Variants in NINJ2 observed in about 807,000 individuals in gnomAD.
NINJ2 encodes the protein ninjurin-2.
Under a neutral mutation model 11.7 loss-of-function variants are expected in NINJ2, and 12 were observed. The ratio of observed to expected loss-of-function variants is 1.02; its 90% CI spans 0.66 to 1.66. NINJ2 has a LOEUF of 1.66. Ranked by LOEUF, NINJ2 falls within the 40% of genes most tolerant of loss-of-function variation. NINJ2 has a pLI of 0.00. For synonymous variants in NINJ2, 93 were observed against 76.8 expected (o/e 1.21, Z -1.10); for missense variants, 187 against 181.8 (o/e 1.03, Z -0.16).
chr12:634,876 G>A (rs548228871), intron 1 of NINJ2, among the ~76,000 whole-genome samples: 1 of 152,188 alleles, frequency 6.6e-6, no homozygotes, highest in East Asian at 1.9e-4. Flanking sequence ...TTGAGGGAAT[G>A]GTATAAGTAC....
chr12:648,703 G>T (rs1388749902), intron 1 of NINJ2, among the ~76,000 whole-genome samples: 2 of 152,140 alleles, frequency 1.3e-5, no homozygotes, highest in Non-Finnish European at 2.9e-5. Flanking sequence ...GACCTGGAAG[G>T]CCTATTAGTC....
intron 1 of NINJ2, among the ~76,000 whole-genome samples, chr12:637,352 A>T (rs1342861831): frequency 7.0e-6 from 1 of 142,682 alleles, no homozygotes; most frequent in Non-Finnish European, 1.5e-5. Context: ...TCATCTCAAA[A>T]AAAAGAAGGC....
chr12:607,025 T>C (rs1396655977), intron 1 of NINJ2, among the ~76,000 whole-genome samples: 7 of 152,226 alleles, frequency 4.6e-5, no homozygotes, highest in Non-Finnish European at 8.8e-5. Flanking sequence ...TTTGGCTTTG[T>C]GAGACACCAG....
At chr12:626,879 A>C (rs1157320838) in intron 1 of NINJ2, among the ~76,000 whole-genome samples, 3 of 152,152 alleles carry the variant, frequency 2.0e-5, no homozygotes, top group Non-Finnish European at 2.9e-5. Context: ...TGAGCCCAGG[A>C]GTTCAAGACC....
chr12:616,342 C>T (rs1948091144), intron 1 of NINJ2, among the ~76,000 whole-genome samples: 1 of 152,196 alleles, frequency 6.6e-6, no homozygotes, highest in Admixed American at 6.5e-5. Context: ...ACTAATCCCA[C>T]CATGGTTTAT....
chr12:647,734 G>A (rs1351716025), intron 1 of NINJ2, among the ~76,000 whole-genome samples: 1 of 152,154 alleles, frequency 6.6e-6, no homozygotes, highest in Non-Finnish European at 1.5e-5. Flanking sequence ...GGATCACCAG[G>A]GGACTTGTGA....
At position 580,186 on chromosome 12, in the gene NINJ2, G is replaced by A. The variant is rs150726130; in HGVS notation, c.34-14008C>T. Among the ~76,000 whole-genome samples the A allele has an allele frequency of 9.1e-4, 139 of 152,294 alleles. No homozygotes were observed. Among genetic ancestry groups the A allele is most frequent in the African/African-American group, 3.2e-3 (133 of 41,568 alleles). On this transcript the variant is annotated intron_variant, in intron 1 of 3. Coordinates refer to ENST00000305108, the MANE Select transcript of NINJ2 (RefSeq NM_016533.6). The surrounding 1 kb of genome is among the most constrained non-coding windows in gnomAD (Gnocchi z 4.7). ...GAGCCTGTATAAAGTGTATAAAGGG[G>A]GAAGCCAGGAGATAGAGAGCTTATC... is the stretch of plus-strand genomic sequence containing the variant.
intron 1 of NINJ2, among the ~76,000 whole-genome samples, chr12:593,180 C>T (rs1187762998): frequency 6.6e-6 from 1 of 152,160 alleles, no homozygotes; most frequent in Non-Finnish European, 1.5e-5. Flanking sequence ...CACTGCAATA[C>T]TAACTGGGTG....
At chr12:593,197 C>T (rs1442453035) in intron 1 of NINJ2, among the ~76,000 whole-genome samples, 1 of 152,140 alleles carries the variant, frequency 6.6e-6, no homozygotes, top group Non-Finnish European at 1.5e-5. Flanking sequence ...GGTGTAATGA[C>T]TACATTGTTC....
At chr12:606,101 G>C (rs1486676067) in intron 1 of NINJ2, among the ~76,000 whole-genome samples, 2 of 151,960 alleles carry the variant, frequency 1.3e-5, no homozygotes, top group Non-Finnish European at 2.9e-5. Context: ...AGAACTCCTG[G>C]CCTCAAGCCA....
intron 1 of NINJ2, among the ~76,000 whole-genome samples, chr12:602,645 G>C (rs6489652): frequency 6.6e-6 from 1 of 151,922 alleles, no homozygotes; most frequent in African/African-American, 2.4e-5. Flanking sequence ...GGGTCATACC[G>C]TACCTCTGTG....
At chr12:602,350 G>C (rs977393520) in intron 1 of NINJ2, among the ~76,000 whole-genome samples, 6 of 152,202 alleles carry the variant, frequency 3.9e-5, no homozygotes, top group African/African-American at 1.4e-4. Context: ...CTTTCTGTCT[G>C]TATCGATTTT....
At chr12:606,831 A>C (rs994299829) in intron 1 of NINJ2, among the ~76,000 whole-genome samples, 5 of 152,220 alleles carry the variant, frequency 3.3e-5, no homozygotes, top group Non-Finnish European at 7.3e-5. Flanking sequence ...CTGTGGGCCG[A>C]GTTGCTTTGG....
At chr12:570,081 C>A (rs1947356684) in intron 1 of NINJ2, among the ~76,000 whole-genome samples, 1 of 152,188 alleles carries the variant, frequency 6.6e-6, no homozygotes, top group Admixed American at 6.5e-5. Flanking sequence ...CTGGATGGGC[C>A]GAACTAAAAC....
intron 1 of NINJ2, among the ~76,000 whole-genome samples, chr12:639,197 T>G (rs963509781): frequency 4.6e-5 from 7 of 152,112 alleles, no homozygotes; most frequent in African/African-American, 1.4e-4. Context: ...GTATTTTCCC[T>G]TTCAAAAAGA....
At position 566,168 on chromosome 12, in the gene NINJ2, G is replaced by C. The variant is rs762496931; in HGVS notation, c.44C>G (p.Ser15Cys). The C allele has an allele frequency of 8.7e-6, 14 of 1,613,378 alleles. No homozygotes were observed. Among genetic ancestry groups the C allele is most frequent in the Non-Finnish European group, 1.2e-5 (14 of 1,179,624 alleles). Residue 15 changes from serine to cysteine, a missense_variant, in exon 2 of 4, where the codon TCC becomes TGC. Ser to Cys is a moderately radical substitution (Grantham distance 112). Coordinates refer to ENST00000305108, the MANE Select transcript of NINJ2 (RefSeq NM_016533.6). ...RENIDLQPGSSDPRSQPINLN... is the reference protein window; with the variant it reads ...RENIDLQPGSCDPRSQPINLN... ...GTTGATGGGCTGGCTCCTGGGGTCG[G>C]AGCTTCCAGGCTGTAGGGGAGAAAG...
At chr12:643,443 CA>C in intron 1 of NINJ2, 3 of 988,222 alleles carry the variant, frequency 3.0e-6, no homozygotes, top group Non-Finnish European at 3.6e-6. Context: ...ACGCGGCTCA[CA>C]AACTAGGGAG....
At chr12:639,387 C>T (rs549857660) in intron 1 of NINJ2, among the ~76,000 whole-genome samples, 2 of 152,268 alleles carry the variant, frequency 1.3e-5, no homozygotes, top group African/African-American at 4.8e-5. Flanking sequence ...TGCCCTAGGT[C>T]AGACAGCACA....
intron 1 of NINJ2, among the ~76,000 whole-genome samples, chr12:604,177 G>C (rs1170298852): frequency 1.3e-5 from 2 of 152,178 alleles, no homozygotes; most frequent in Non-Finnish European, 2.9e-5. Context: ...AAGTCTGCTG[G>C]GGTTTTGATG....
Sources: allele counts gnomAD v4.1 joint callset (sites outside exome capture counted in the v4.1 genomes callset), GRCh38; gene constraint gnomAD v4.1.1; non-coding constraint Gnocchi (gnomAD v3.1); transcripts MANE v1.5; gene names NCBI Gene and HGNC (gene_info 2026-07-23, HGNC 2026-07-21).